Variants in SHLD1 observed in about 807,000 individuals in gnomAD.
SHLD1 encodes RINN1-REV7-interacting novel NHEJ regulator 3.
A neutral mutation model predicts 5.5 loss-of-function variants in SHLD1; 3 were observed. That is an observed-to-expected ratio of 0.54 (90% confidence interval 0.25 to 1.40). The LOEUF (loss-of-function observed/expected upper bound fraction) is 1.40, where lower values mean the gene tolerates loss of function less well. SHLD1 is among the 40% of genes most tolerant of loss of function. The pLI, the probability that SHLD1 is intolerant of heterozygous loss-of-function variation, is 0.15. For missense variants in SHLD1, 210 were observed against 244.4 expected (o/e 0.86, Z 0.94); for synonymous variants, 92 against 94.3 (o/e 0.98, Z 0.14).
intron 2 of SHLD1, among the ~76,000 whole-genome samples, chr20:5,814,036 G>A (rs561048319): frequency 6.6e-4 from 87 of 131,792 alleles, no homozygotes; most frequent in African/African-American, 2.2e-3. Context: ...CACTGCAAAC[G>A]CCGCCTCCCT....
rs1985309443 is a variant in SHLD1 at position 5,773,980 on chromosome 20, G to A, written c.178+937G>A. Among the ~76,000 whole-genome samples the A allele has an allele frequency of 1.3e-5, 2 of 152,132 alleles. 1 individual carries two copies. Among genetic ancestry groups the A allele is most frequent in the South Asian group, 4.1e-4 (2 of 4,830 alleles). Reference sequence around the variant, plus strand: ...ACACTTTGGGAGGCCGAGGCGGGTGGATCACCTAAGGTCAGGAGTTCAAGA... The same window carrying A: ...ACACTTTGGGAGGCCGAGGCGGGTGAATCACCTAAGGTCAGGAGTTCAAGA... On this transcript the variant is annotated intron_variant, in intron 2 of 2. Coordinates refer to ENST00000303142, the MANE Select transcript of SHLD1 (RefSeq NM_152504.4).
intron 2 of SHLD1, among the ~76,000 whole-genome samples, chr20:5,843,807 C>G (rs1173310090): frequency 6.6e-6 from 1 of 152,182 alleles, no homozygotes; most frequent in Non-Finnish European, 1.5e-5. Context: ...GTAACTATTT[C>G]TGTGACCACA....
chr20:5,851,447 T>C (rs1452548072), intron 2 of SHLD1, among the ~76,000 whole-genome samples: 1 of 151,098 alleles, frequency 6.6e-6, no homozygotes, highest in Non-Finnish European at 1.5e-5. Flanking sequence ...TCTATGATCA[T>C]GCCACTCTGC....
intron 2 of SHLD1, among the ~76,000 whole-genome samples, chr20:5,840,700 C>A (rs996332632): frequency 5.9e-5 from 9 of 152,196 alleles, no homozygotes; most frequent in Admixed American, 2.0e-4. Context: ...GAAGTAATTC[C>A]TAAAAGCTAG....
intron 2 of SHLD1, among the ~76,000 whole-genome samples, chr20:5,818,018 C>G (rs745903282): frequency 1.3e-4 from 20 of 152,332 alleles, no homozygotes; most frequent in Admixed American, 6.5e-4. Context: ...TGACCAGGAT[C>G]TGAAAGCAGT....
chr20:5,845,011 T>C (rs917147236), intron 2 of SHLD1, among the ~76,000 whole-genome samples: 1 of 151,844 alleles, frequency 6.6e-6, no homozygotes. Flanking sequence ...TTGGCCAGGC[T>C]GGTCTCAAAC....
At chr20:5,831,781 A>G (rs237082) in intron 2 of SHLD1, among the ~76,000 whole-genome samples, 66,856 of 152,036 alleles carry the variant, frequency 0.44, 17,621 homozygotes, top group African/African-American at 0.73. Flanking sequence ...ATTGTAGAAG[A>G]TTAGGAAATG....
At chr20:5,758,522 G>C (rs1984270081) in intron 1 of SHLD1, among the ~76,000 whole-genome samples, 1 of 151,746 alleles carries the variant, frequency 6.6e-6, no homozygotes, top group Non-Finnish European at 1.5e-5. Context: ...GAGTTCAAGT[G>C]ATTCTCCTGC....
chr20:5,852,415 C>CCCTTCCTT lies in SHLD1; in HGVS notation c.179-10587_179-10580dup, dbSNP rs71334360. On this transcript the variant is annotated intron_variant, in intron 2 of 2. Coordinates refer to ENST00000303142, the MANE Select transcript of SHLD1 (RefSeq NM_152504.4). ...CTTCCTTTCCTTCCTTCCTTTCCCT[C>CCCTTCCTT]CCTTCCTTCCTTCCTTCCTTCCTTC... 3.2e-3 allele frequency among the ~76,000 whole-genome samples: 480 copies of CCCTTCCTT among 150,098 alleles called. 4 individuals carry two copies. Among genetic ancestry groups the CCCTTCCTT allele is most frequent in the African/African-American group, 0.011 (459 of 40,098 alleles).
At chr20:5,835,714 A>G (rs2087781318) in intron 2 of SHLD1, among the ~76,000 whole-genome samples, 1 of 152,252 alleles carries the variant, frequency 6.6e-6, no homozygotes, top group Admixed American at 6.5e-5. Flanking sequence ...AGAAATTCAA[A>G]GAGAAGGATC....
intron 2 of SHLD1, among the ~76,000 whole-genome samples, chr20:5,835,380 G>T (rs2087777333): frequency 6.6e-6 from 1 of 152,108 alleles, no homozygotes; most frequent in Non-Finnish European, 1.5e-5. Flanking sequence ...GCTAGAACAG[G>T]GTCCCTGCCT....
At chr20:5,858,750 A>T (rs1438450425) in intron 2 of SHLD1, among the ~76,000 whole-genome samples, 1 of 152,186 alleles carries the variant, frequency 6.6e-6, no homozygotes, top group African/African-American at 2.4e-5. Flanking sequence ...TGAGAGGATC[A>T]TTTGAGCCCA....
At chr20:5,844,787 A>ATTTTTTTTT (rs1428765852) in intron 2 of SHLD1, among the ~76,000 whole-genome samples, 1 of 102,286 alleles carries the variant, frequency 9.8e-6, no homozygotes, top group African/African-American at 5.5e-5. Flanking sequence ...ATATATATAT[A>ATTTTTTTTT]TATATATATA....
intron 1 of SHLD1, among the ~76,000 whole-genome samples, chr20:5,767,049 T>TA (rs1438602858): frequency 3.3e-5 from 5 of 152,224 alleles, no homozygotes; most frequent in Admixed American, 1.3e-4. Flanking sequence ...ACCCAGTTAA[T>TA]AAAAAACCCA....
In SHLD1 at chr20:5,812,749, C is replaced by T. The variant is rs531310927; in HGVS notation, c.178+39706C>T. Among the ~76,000 whole-genome samples the T allele has an allele frequency of 5.3e-5, 8 of 152,284 alleles. No individual in the cohort carries two copies. The South Asian group carries it at 1.7e-3, about 32-fold the overall frequency. On this transcript the variant is annotated intron_variant, in intron 2 of 2. Coordinates refer to ENST00000303142, the MANE Select transcript of SHLD1 (RefSeq NM_152504.4). Reference sequence around the variant, plus strand: ...TCTTTACAGGGTTGTGAATGTTGTCCCTTCAGTCATTAGCGAAATGCTTAT... The same window carrying T: ...TCTTTACAGGGTTGTGAATGTTGTCTCTTCAGTCATTAGCGAAATGCTTAT...
intron 1 of SHLD1, among the ~76,000 whole-genome samples, chr20:5,761,895 A>T (rs1479953404): frequency 6.6e-6 from 1 of 152,026 alleles, no homozygotes; most frequent in Non-Finnish European, 1.5e-5. Context: ...GGCATGAGCC[A>T]CTGCACCCGG....
intron 2 of SHLD1, among the ~76,000 whole-genome samples, chr20:5,856,521 G>A (rs2088087213): frequency 6.6e-6 from 1 of 152,204 alleles, no homozygotes; most frequent in African/African-American, 2.4e-5. Flanking sequence ...GCAGGAAGAT[G>A]CAGACTAGCC....
chr20:5,766,132 A>G (rs892361299), intron 1 of SHLD1, among the ~76,000 whole-genome samples: 3 of 152,040 alleles, frequency 2.0e-5, no homozygotes, highest in Admixed American at 1.3e-4. Flanking sequence ...TCATTCATTG[A>G]CCCGTTTGTT....
chr20:5,827,729 C>A (rs911672129), intron 2 of SHLD1, among the ~76,000 whole-genome samples: 1 of 152,244 alleles, frequency 6.6e-6, no homozygotes, highest in Non-Finnish European at 1.5e-5. Context: ...TAGGATCCAG[C>A]CTGAATCCCC....
Sources: gnomAD v4.1 joint callset for allele counts (sites outside exome capture counted in the v4.1 genomes callset) on GRCh38, gnomAD v4.1.1 for gene constraint, MANE v1.5 for transcripts, NCBI Gene and HGNC (gene_info 2026-07-23, HGNC 2026-07-21) for gene names.